The following ZFHX3 variants were observed in gnomAD, a reference collection of about 807,000 sequenced individuals.
ZFHX3 encodes zinc finger homeobox protein 3.
ZFHX3 carries 42 observed loss-of-function variants against 279.1 expected under a neutral mutation model. The observed-to-expected ratio is 0.15, with a 90% CI of 0.12 to 0.19. The LOEUF is 0.19. Ranked by LOEUF, ZFHX3 falls within the 10% of genes least tolerant of loss-of-function variation. ZFHX3 has a pLI of 1.00. For synonymous variants in ZFHX3, 2,293 were observed against 1,957.8 expected, an observed-to-expected ratio of 1.17 and a Z score of -4.52; for missense variants, 4,981 against 4,754.0, an observed-to-expected ratio of 1.05 and a Z score of -1.40.
intron 2 of ZFHX3, among the ~76,000 whole-genome samples, chr16:73,511,296 T>C (rs2019424430): frequency 6.6e-6 from 1 of 152,204 alleles, no homozygotes; most frequent in Admixed American, 6.5e-5. Flanking sequence ...TATGTCTCTT[T>C]CCCACCATGA....
chr16:73,032,471 A>G (rs1964740426), intron 1 of ZFHX3, among the ~76,000 whole-genome samples: 1 of 152,134 alleles, frequency 6.6e-6, no homozygotes, highest in Admixed American at 6.5e-5. Flanking sequence ...GCCCAGTGCT[A>G]AAGGATTTCT....
chr16:73,127,339 G>A (rs1478747627), intron 7 of ZFHX3: 2 of 1,304,484 alleles, frequency 1.5e-6, no homozygotes, highest in South Asian at 2.5e-5. Context: ...CCGTACAGAG[G>A]AAAGCCGATA....
intron 7 of ZFHX3, among the ~76,000 whole-genome samples, chr16:73,110,310 G>A (rs867310639): frequency 1.3e-5 from 2 of 151,970 alleles, no homozygotes; most frequent in African/African-American, 4.8e-5. Flanking sequence ...ATTCAAACAG[G>A]TTGTGTCTAT....
chr16:73,225,092 T>C (rs2012551102), intron 5 of ZFHX3, among the ~76,000 whole-genome samples: 1 of 152,220 alleles, frequency 6.6e-6, no homozygotes, highest in Non-Finnish European at 1.5e-5. Context: ...ATGTACTGGC[T>C]ATATATTTTT....
At chr16:73,482,071 C>T (rs1039526564) in intron 2 of ZFHX3, among the ~76,000 whole-genome samples, 21 of 152,214 alleles carry the variant, frequency 1.4e-4, no homozygotes, top group African/African-American at 5.1e-4. Context: ...TATCTATTGC[C>T]CAGCTTAGAG....
At chr16:72,989,113 C>T (rs1962964687) in intron 1 of ZFHX3, among the ~76,000 whole-genome samples, 2 of 147,554 alleles carry the variant, frequency 1.4e-5, no homozygotes, top group South Asian at 4.4e-4. Context: ...TTTGAGGCTG[C>T]GGTGAGCCAA....
chr16:73,680,543 T>G (rs910551429), intron 1 of ZFHX3, among the ~76,000 whole-genome samples: 3 of 152,338 alleles, frequency 2.0e-5, no homozygotes, highest in Admixed American at 1.3e-4. Flanking sequence ...AATACATTTT[T>G]AATATTAACC....
intron 1 of ZFHX3, chr16:73,005,875 T>C (rs1166619133): frequency 6.6e-6 from 1 of 152,228 alleles, no homozygotes; most frequent in African/African-American, 2.4e-5. Context: ...TCCTCTCACT[T>C]AACATGAAAT....
At chr16:73,441,570 C>T (rs188118588) in intron 3 of ZFHX3, among the ~76,000 whole-genome samples, 168 of 152,252 alleles carry the variant, frequency 1.1e-3, no homozygotes, top group South Asian at 4.8e-3. Context: ...TAATGATTCA[C>T]AAGCAAACTC....
At position 73,396,817 on chromosome 16, in the gene ZFHX3, A is replaced by G. The variant is rs1402516109; in HGVS notation, c.-1291+59186T>C. On this transcript the variant is annotated intron_variant, in intron 3 of 17. Coordinates refer to the ZFHX3 transcript ENST00000641206. The stretch of plus-strand genomic sequence containing the variant: ...TTGGGTGGGGACACAGGGCCAAACC[A>G]TATCACTAAGCACCAGGGTATCCTC... Among the ~76,000 whole-genome samples, 3 of 152,206 alleles carry G rather than the reference A, an allele frequency of 2.0e-5. No homozygotes were observed. The South Asian group carries it at 6.2e-4, about 32-fold the overall frequency.
chr16:73,070,936 G>GCACACACA (rs1288169998), intron 8 of ZFHX3, among the ~76,000 whole-genome samples: 8 of 9,978 alleles, frequency 8.0e-4, no homozygotes, highest in African/African-American at 9.5e-4. Context: ...GCGCGCGCGC[G>GCACACACA]CGCACACACA....
At chr16:73,250,832 G>A (rs112083025) in intron 5 of ZFHX3, among the ~76,000 whole-genome samples, 3,162 of 152,196 alleles carry the variant, frequency 0.021, 106 homozygotes, top group African/African-American at 0.072. Context: ...TTAAGCCACC[G>A]TGCCCAGCTA....
chr16:73,837,943 A>AT (rs1318072056), intron 1 of ZFHX3, among the ~76,000 whole-genome samples: 1 of 152,142 alleles, frequency 6.6e-6, no homozygotes, highest in Non-Finnish European at 1.5e-5. Context: ...GCCTCCTGCT[A>AT]TTTTCAAAGG....
intron 1 of ZFHX3, among the ~76,000 whole-genome samples, chr16:73,683,947 C>T (rs931066238): frequency 7.9e-5 from 12 of 152,210 alleles, no homozygotes; most frequent in African/African-American, 2.9e-4. Context: ...CCAAACTACT[C>T]AACTCTGTGC....
At chr16:73,676,105 T>C (rs1378435076) in intron 2 of ZFHX3, among the ~76,000 whole-genome samples, 2 of 152,042 alleles carry the variant, frequency 1.3e-5, no homozygotes, top group African/African-American at 4.8e-5. Context: ...GGAAAAAGTA[T>C]AAGAATCATA....
rs2017918601 is a variant in ZFHX3 at position 73,431,949 on chromosome 16, G to A, written c.-1291+24054C>T. 3.3e-5 allele frequency among the ~76,000 whole-genome samples: 5 copies of A among 152,266 alleles called. No homozygotes were observed. The South Asian group carries it at 1.0e-3, about 32-fold the overall frequency. ...CCGAGATTCTCCTCCATTTGACAAG[G>A]GGAATGTTTGGGTTTGAGTTTATGA... On this transcript the variant is annotated intron_variant, in intron 3 of 17. Transcript: ENST00000641206.
At position 73,673,546 on chromosome 16, in the gene ZFHX3, G is replaced by T. The variant is rs1340363448; in HGVS notation, c.-1547+6634C>A. 2.0e-5 allele frequency among the ~76,000 whole-genome samples: 3 copies of T among 151,504 alleles called. No homozygotes were observed. The East Asian group carries it at 5.8e-4, about 29-fold the overall frequency. On this transcript the variant is annotated intron_variant, in intron 2 of 17. Transcript: ENST00000641206. ...ACAGTCTGCCACCCGAGATAAAAAA[G>T]CTAGCAGCTGTCTCAAGATTAGGCA...
chr16:73,541,956 C>G (rs375363296), intron 2 of ZFHX3, among the ~76,000 whole-genome samples: 32 of 151,836 alleles, frequency 2.1e-4, no homozygotes, highest in African/African-American at 7.0e-4. Context: ...CACCTGCCAC[C>G]GTGCCTGGCT....
rs116941999 is a variant in ZFHX3 at position 73,396,610 on chromosome 16, T to C, written c.-1291+59393A>G. ...GCAAAGGGGAAGCAAGTACATCTTA[T>C]ATGGCAGCAGGAGAGAGAGAGACAG... On this transcript the variant is annotated intron_variant, in intron 3 of 17. Coordinates refer to the ZFHX3 transcript ENST00000641206. 1.2e-3 allele frequency among the ~76,000 whole-genome samples: 185 copies of C among 152,268 alleles called. 3 individuals are homozygous for C. The East Asian group carries it at 0.034, about 28-fold the overall frequency.
Sources: allele counts gnomAD v4.1 joint callset (sites outside exome capture counted in the v4.1 genomes callset), GRCh38; gene constraint gnomAD v4.1.1; transcripts MANE v1.5; gene names NCBI Gene and HGNC (gene_info 2026-07-23, HGNC 2026-07-21).